PIANP: variants seen among roughly 807,000 people sequenced by gnomAD.
PIANP encodes the protein PILR alpha associated neural protein.
Under a neutral mutation model 28.9 loss-of-function variants are expected in PIANP, and 14 were observed. That is an observed-to-expected ratio of 0.49 (90% confidence interval 0.32 to 0.76). The LOEUF (loss-of-function observed/expected upper bound fraction) is 0.76. Among genes scored for constraint, PIANP ranks in the 30% least tolerant of loss-of-function variants. The pLI is 0.03. For synonymous variants in PIANP, 149 were observed against 156.6 expected (o/e 0.95, Z 0.36); for missense variants, 322 against 371.8 (o/e 0.87, Z 1.10).
Position 6,696,698 on chromosome 12 carries a change from G to A in PIANP, c.524-174C>T, listed in dbSNP as rs1294007977. Among the ~76,000 whole-genome samples the A allele has an allele frequency of 6.6e-6, 1 of 152,122 alleles. No homozygotes were observed. Among genetic ancestry groups the A allele is most frequent in the Non-Finnish European group, 1.5e-5 (1 of 68,020 alleles). ...TCTTTATTATCACCAGCATTCCCCT[G>A]AGTTTTCAGCTCTTTTCCTCCACTT... On this transcript the variant is annotated intron_variant, in intron 3 of 4. Coordinates refer to ENST00000534837, the MANE Select transcript of PIANP (RefSeq NM_001244014.2). This position sits in a 1 kb window ranked among gnomAD's most constrained non-coding sequence, Gnocchi z 4.0.
intron 1 of PIANP, among the ~76,000 whole-genome samples, chr12:6,699,144 T>C (rs1490636011): frequency 6.6e-6 from 1 of 152,170 alleles, no homozygotes; most frequent in African/African-American, 2.4e-5. Flanking sequence ...TTCAGAGGGC[T>C]GAGGCAGAAG....
Position 6,694,910 on chromosome 12 carries a change from T to G in PIANP, c.*516A>C. 2 of 1,173,746 alleles carry G rather than the reference T, an allele frequency of 1.7e-6. No homozygotes were observed. The highest frequency in any genetic ancestry group is 5.8e-5 in the Admixed American group (2 of 34,282). 72.7% of individuals were successfully genotyped at this position (1,173,746 alleles called of 1,614,324 possible). A position where few individuals can be genotyped will look rare whatever the true frequency, so the allele number is the denominator to read the frequency against. ...TGGGGCTGGGGAGTGTTCCGGGTGG[T>G]GTGCAAGGGGCAGGAGCCAGGAGCC... On this transcript the variant is annotated 3_prime_UTR_variant, in exon 5 of 5. Transcript: ENST00000534837. The surrounding 1 kb of genome is among the most constrained non-coding windows in gnomAD (Gnocchi z 6.1).
At position 6,695,531 on chromosome 12, in the gene PIANP, G is replaced by A. The variant is rs757615607; in HGVS notation, c.726C>T (p.Phe242=). The stretch of plus-strand genomic sequence containing the variant: ...CAGGGGTGGGGGTAGGTGAGTCCCC[G>A]AAGGCCCCCAGCACAGTGACTCCAG... ...SPAGVTVLGA[F]GDSPTPTPDH... The change falls in exon 5 of 5, where the codon TTC becomes TTT. Residue 242 remains phenylalanine (F), a synonymous_variant. Transcript: ENST00000534837. This position sits in a 1 kb window ranked among gnomAD's most constrained non-coding sequence, Gnocchi z 4.2. 46 of 1,582,498 alleles carry A rather than the reference G, an allele frequency of 2.9e-5. No homozygotes were observed. Among genetic ancestry groups the A allele is most frequent in the Non-Finnish European group, 3.6e-5 (42 of 1,163,324 alleles).
Position 6,700,788 on chromosome 12 carries a change from C to A in PIANP, c.-218G>T, listed in dbSNP as rs1162132028. ...CGCGGGGCGGCGGCGGTGGGAGATG[C>A]TCGCCTCGGCTCGGCTCGGCTCGGC... On this transcript the variant is annotated 5_prime_UTR_variant, in exon 1 of 5. Coordinates refer to ENST00000534837, the MANE Select transcript of PIANP (RefSeq NM_001244014.2). This position sits in a 1 kb window ranked among gnomAD's most constrained non-coding sequence, Gnocchi z 5.5. 2 of 152,254 alleles carry A rather than the reference C, an allele frequency of 1.3e-5. No homozygotes were observed. The highest frequency in any genetic ancestry group is 3.9e-4 in the East Asian group (2 of 5,120). The allele number at this position is 152,254 out of a possible 1,614,324, so 9.4% of individuals were successfully genotyped here.
Position 6,697,657 on chromosome 12 carries a change from G to A in PIANP, c.153C>T (p.Gly51=). 1 of 1,557,400 alleles carries A rather than the reference G, an allele frequency of 6.4e-7. No individual in the cohort carries two copies. The change falls in exon 3 of 5, where the codon GGC becomes GGT. Residue 51 remains glycine, a synonymous_variant. Coordinates refer to ENST00000534837, the MANE Select transcript of PIANP (RefSeq NM_001244014.2). The surrounding 1 kb of genome is among the most constrained non-coding windows in gnomAD (Gnocchi z 6.9). The part of the protein sequence containing the change: ...APARPPCARG[G]PSAPRHVCVW... ...CGCACACATGACGTGGGGCCGAGGG[G>A]CCTCCCCTGGCACACGGGGGGCGGG...
At chr12:6,698,183 G>T (rs1468326304) in intron 1 of PIANP, 79 bp from the exon 2 acceptor site, 3 of 1,177,368 alleles carry the variant, frequency 2.5e-6, no homozygotes, top group Non-Finnish European at 3.7e-6. Context: ...AATTCTACCC[G>T]CATCTGCCCT....
chr12:6,695,674 G>A lies in PIANP; in HGVS notation c.606-23C>T, dbSNP rs369460501. 1.2e-4 allele frequency: 170 copies of A among 1,477,018 alleles called. No individual in the cohort carries two copies. The highest frequency in any genetic ancestry group is 8.3e-5 in the Non-Finnish European group (92 of 1,109,514). 91.5% of individuals were successfully genotyped at this position (1,477,018 alleles called of 1,614,324 possible). A position where few individuals can be genotyped will look rare whatever the true frequency, so the allele number is the denominator to read the frequency against. On this transcript the variant is annotated intron_variant, in intron 4 of 4. Coordinates refer to ENST00000534837, the MANE Select transcript of PIANP (RefSeq NM_001244014.2). This position sits in a 1 kb window ranked among gnomAD's most constrained non-coding sequence, Gnocchi z 4.2. ...CAGCTGGGGTACCAGAGGAAAAGAG[G>A]TTCTCTTGCACACTCAAGTAGCCCC...
In PIANP at chr12:6,697,993, C is replaced by T; in HGVS notation, c.17+52G>A. On this transcript the variant is annotated intron_variant, in intron 2 of 4. Coordinates refer to ENST00000534837, the MANE Select transcript of PIANP (RefSeq NM_001244014.2). This position sits in a 1 kb window ranked among gnomAD's most constrained non-coding sequence, Gnocchi z 6.9. Reference sequence around the variant, plus strand: ...TGGATGGGTCTAGGAAGGAAGGAGTCATGGCCCCAGGGAATGTGGTCTCCA... The same window carrying T: ...TGGATGGGTCTAGGAAGGAAGGAGTTATGGCCCCAGGGAATGTGGTCTCCA... The T allele has an allele frequency of 1.9e-6, 3 of 1,550,636 alleles. No homozygotes were observed. The highest frequency in any genetic ancestry group is 1.7e-6 in the Non-Finnish European group (2 of 1,145,986).
Position 6,697,162 on chromosome 12 carries a change from C to T in PIANP, c.523+125G>A, listed in dbSNP as rs549777686. The stretch of plus-strand genomic sequence containing the variant: ...GAGAGGGTGTCTTTATCTCTGCATC[C>T]TGTGCCAGTATAGTGCCTGACACAT... On this transcript the variant is annotated intron_variant, in intron 3 of 4. Transcript: ENST00000534837. The surrounding 1 kb of genome is among the most constrained non-coding windows in gnomAD (Gnocchi z 6.9). The T allele has an allele frequency of 1.5e-6, 2 of 1,357,652 alleles. No individual in the cohort carries two copies. The highest frequency in any genetic ancestry group is 2.0e-6 in the Non-Finnish European group (2 of 1,003,324). 84.1% of individuals were successfully genotyped at this position (1,357,652 alleles called of 1,614,324 possible). A position where few individuals can be genotyped will look rare whatever the true frequency, so the allele number is the denominator to read the frequency against.
downstream of PIANP, among the ~76,000 whole-genome samples, chr12:6,692,832 G>A (rs895537340): frequency 6.6e-6 from 1 of 152,104 alleles, no homozygotes; most frequent in Non-Finnish European, 1.5e-5. Context: ...ACTTCCCTCA[G>A]CTCACAGTAA....
chr12:6,697,696 G>T lies in PIANP; in HGVS notation c.114C>A (p.Thr38=). The change falls in exon 3 of 5, where the codon ACC becomes ACA. Residue 38 remains threonine, a synonymous_variant. Coordinates refer to ENST00000534837, the MANE Select transcript of PIANP (RefSeq NM_001244014.2). The surrounding 1 kb of genome is among the most constrained non-coding windows in gnomAD (Gnocchi z 6.9). ...ACGGGGGGCGGGCTGGGGCTGGTGG[G>T]GTTCGAGGGGAGGATGAAGAGCCCT... The part of the protein sequence containing the change: ...PAQGSSSSPR[T]PPAPARPPCA... 1 of 1,555,642 alleles carries T rather than the reference G, an allele frequency of 6.4e-7. No individual in the cohort carries two copies. Among genetic ancestry groups the T allele is most frequent in the Non-Finnish European group, 8.7e-7 (1 of 1,151,064 alleles).
In PIANP at chr12:6,695,016, G is replaced by T; in HGVS notation, c.*410C>A. On this transcript the variant is annotated 3_prime_UTR_variant, in exon 5 of 5. Transcript: ENST00000534837. This position sits in a 1 kb window ranked among gnomAD's most constrained non-coding sequence, Gnocchi z 4.2. ...CGGCCCCTTGGCCTCCTGCTTGGCT[G>T]CACCCCAACATTGGGGGCATCACAG... The T allele has an allele frequency of 6.4e-7, 1 of 1,556,606 alleles. No homozygotes were observed.
At position 6,697,476 on chromosome 12, in the gene PIANP, C is replaced by A; in HGVS notation, c.334G>T (p.Val112Leu). 1 of 1,613,986 alleles carries A rather than the reference C, an allele frequency of 6.2e-7. No homozygotes were observed. Among genetic ancestry groups the A allele is most frequent in the Non-Finnish European group, 8.5e-7 (1 of 1,179,870 alleles). The stretch of plus-strand genomic sequence containing the variant: ...GGGTCCCCTCCATCCTCTCGAGACA[C>A]GGTGGGACCCCACACGATAGCCCAG... ...YPWAIVWGPT[V>L]SREDGGDPNS... The change falls in exon 3 of 5, where the codon GTG becomes TTG. Residue 112 changes from valine (V) to leucine (L), a missense_variant. Transcript: ENST00000534837. This position sits in a 1 kb window ranked among gnomAD's most constrained non-coding sequence, Gnocchi z 6.9.
In PIANP at chr12:6,696,536, G is replaced by A. The variant is rs1959869019; in HGVS notation, c.524-12C>T. ...CTGGGGGTCCACACCTGATTGGGGT[G>A]GGAAGAAAGTTTTAGGGAGCCCCGA... On this transcript the variant is annotated splice_polypyrimidine_tract_variant and intron_variant, in intron 3 of 4. Transcript: ENST00000534837. The surrounding 1 kb of genome is among the most constrained non-coding windows in gnomAD (Gnocchi z 4.0). 6.4e-7 allele frequency: 1 copy of A among 1,573,842 alleles called. No individual in the cohort carries two copies. The highest frequency in any genetic ancestry group is 1.4e-5 in the African/African-American group (1 of 73,968).
chr12:6,693,399 C>G (rs1389853300), downstream of PIANP, among the ~76,000 whole-genome samples: 1 of 152,114 alleles, frequency 6.6e-6, no homozygotes, highest in East Asian at 1.9e-4. Flanking sequence ...CATCTTTTCT[C>G]CATTGCTCCA....
chr12:6,695,644 G>T lies in PIANP; in HGVS notation c.613C>A (p.Arg205Ser). ...TGIIFKFCWD[R>S]SQKRRRPSGQ... is the part of the protein sequence containing the mutation. ...GAGGGTCTGCGTCGCTTCTGGCTGC[G>T]GTCCCAGCTGGGGTACCAGAGGAAA... The change falls in exon 5 of 5, where the codon CGC becomes AGC. Residue 205 changes from arginine to serine, a missense_variant. Arg to Ser is a moderately radical substitution (Grantham distance 110). Coordinates refer to ENST00000534837, the MANE Select transcript of PIANP (RefSeq NM_001244014.2). The surrounding 1 kb of genome is among the most constrained non-coding windows in gnomAD (Gnocchi z 4.2). The T allele has an allele frequency of 6.6e-7, 1 of 1,515,830 alleles. No individual in the cohort carries two copies. The highest frequency in any genetic ancestry group is 8.9e-7 in the Non-Finnish European group (1 of 1,129,808). 93.9% of individuals were successfully genotyped at this position (1,515,830 alleles called of 1,614,324 possible).
Position 6,697,435 on chromosome 12 carries a change from G to T in PIANP, c.375C>A (p.Pro125=). 1 of 1,614,020 alleles carries T rather than the reference G, an allele frequency of 6.2e-7. No homozygotes were observed. Among genetic ancestry groups the T allele is most frequent in the Non-Finnish European group, 8.5e-7 (1 of 1,179,882 alleles). Reference sequence around the variant, plus strand: ...CTGCAAAACCATAGTCCAGAAATCCGGGATTGGCAGAGTTGGGGTCCCCTC... The same window carrying T: ...CTGCAAAACCATAGTCCAGAAATCCTGGATTGGCAGAGTTGGGGTCCCCTC... ...EDGGDPNSAN[P]GFLDYGFAAP... The change falls in exon 3 of 5, where the codon CCC becomes CCA. Residue 125 remains proline, a synonymous_variant. Transcript: ENST00000534837. The surrounding 1 kb of genome is among the most constrained non-coding windows in gnomAD (Gnocchi z 6.9).
At position 6,697,753 on chromosome 12, in the gene PIANP, T is replaced by C. The variant is rs1437775589; in HGVS notation, c.57A>G (p.Pro19=). The C allele has an allele frequency of 1.3e-6, 2 of 1,554,596 alleles. No individual in the cohort carries two copies. The highest frequency in any genetic ancestry group is 1.4e-5 in the African/African-American group (1 of 72,996). ...GCGGTGGGAGGGGCAGCAACAGCAGTGGCCAGAGAGGGAGGAGGTGGGACA... is the reference window on the plus strand; with the variant it reads ...GCGGTGGGAGGGGCAGCAACAGCAGCGGCCAGAGAGGGAGGAGGTGGGACA... ...LLLSHLLPLW[P]LLLLPLPPPA... is the part of the protein sequence containing the mutation. The change falls in exon 3 of 5, where the codon CCA becomes CCG. Residue 19 remains proline (P), a synonymous_variant. Transcript: ENST00000534837. This position sits in a 1 kb window ranked among gnomAD's most constrained non-coding sequence, Gnocchi z 6.9.
At chr12:6,692,884 A>G (rs1217657181), downstream of PIANP, among the ~76,000 whole-genome samples, 1 of 152,160 alleles carries the variant, frequency 6.6e-6, no homozygotes, top group Non-Finnish European at 1.5e-5. Flanking sequence ...ACACACAGAC[A>G]TTCCTAACCT....
Sources: allele counts gnomAD v4.1 joint callset (sites outside exome capture counted in the v4.1 genomes callset), GRCh38; gene constraint gnomAD v4.1.1; non-coding constraint Gnocchi (gnomAD v3.1); transcripts MANE v1.5; gene names NCBI Gene and HGNC (gene_info 2026-07-23, HGNC 2026-07-21).